CACNA1G: variants seen among roughly 807,000 people sequenced by gnomAD.
CACNA1G encodes the protein calcium voltage-gated channel subunit alpha1 G, also known as voltage-dependent T-type calcium channel subunit alpha-1G.
A neutral mutation model predicts 219.4 loss-of-function variants in CACNA1G; 67 were observed. That is an observed-to-expected ratio of 0.31 (90% CI 0.25 to 0.37). The LOEUF (loss-of-function observed/expected upper bound fraction) is 0.37. CACNA1G is among the 10% of genes least tolerant of loss of function. The pLI, the probability that CACNA1G is intolerant of heterozygous loss-of-function variation, is 1.00. For missense variants in CACNA1G, 2,380 were observed against 3,231.4 expected, an observed-to-expected ratio of 0.74 and a Z score of 6.39; for synonymous variants, 1,296 against 1,345.3, an observed-to-expected ratio of 0.96 and a Z score of 0.80.
At position 50,617,805 on chromosome 17, in the gene CACNA1G, C is replaced by G. The variant is rs1448517002; in HGVS notation, c.5156-54C>G. ...CCAGCCCTGGTCCTGACTCTGCCAG[C>G]TGTCTGGCCGGGGACCCAAAGAGGC... On this transcript the variant is annotated intron_variant, in intron 29 of 37. Transcript: ENST00000359106. This position sits in a 1 kb window ranked among gnomAD's most constrained non-coding sequence, Gnocchi z 5.8. The G allele has an allele frequency of 1.3e-6, 2 of 1,588,636 alleles. No individual in the cohort carries two copies. Among genetic ancestry groups the G allele is most frequent in the Non-Finnish European group, 1.7e-6 (2 of 1,161,234 alleles).
Position 50,621,911 on chromosome 17 carries a change from T to C in CACNA1G, c.6060+117T>C. 1.7e-6 allele frequency: 2 copies of C among 1,159,100 alleles called. No individual in the cohort carries two copies. The highest frequency in any genetic ancestry group is 1.2e-6 in the Non-Finnish European group (1 of 810,498). 71.8% of individuals were successfully genotyped at this position (1,159,100 alleles called of 1,614,324 possible). On this transcript the variant is annotated intron_variant, in intron 35 of 37. Transcript: ENST00000359106. The surrounding 1 kb of genome is among the most constrained non-coding windows in gnomAD (Gnocchi z 4.6). Reference sequence around the variant, plus strand: ...GCCTCCTCTCAGTTTGCTGCCAGGCTCCACCCAGAGGCATCAACTGTCAGG... The same window carrying C: ...GCCTCCTCTCAGTTTGCTGCCAGGCCCCACCCAGAGGCATCAACTGTCAGG...
chr17:50,624,324 T>TTCCCCCCCC, intron 36 of CACNA1G, 36 bp from the exon 37 acceptor site: 1 of 1,177,662 alleles, frequency 8.5e-7, no homozygotes, highest in Admixed American at 2.1e-5. Context: ...CTCCATTCTC[T>TTCCCCCCCC]CCCCCCACCC....
At chr17:50,624,324 T>TGCCCCCCCCCCCCCCCCCCCGGGCCC in intron 36 of CACNA1G, 36 bp from the exon 37 acceptor site, 1 of 1,177,664 alleles carries the variant, frequency 8.5e-7, no homozygotes, top group Non-Finnish European at 1.2e-6. Context: ...CTCCATTCTC[T>TGCCCCCCCCCCCCCCCCCCCGGGCCC]CCCCCCACCC....
chr17:50,620,160 G>T (rs151148556), intron 34 of CACNA1G, among the ~76,000 whole-genome samples: 2 of 152,084 alleles, frequency 1.3e-5, no homozygotes, highest in Admixed American at 6.5e-5. Context: ...GGGACCTTAG[G>T]GGGTGGAGGG....
chr17:50,592,080 C>T lies in CACNA1G; in HGVS notation c.2898C>T (p.Gly966=). Residue 966 remains glycine (G), a synonymous_variant, in exon 13 of 38, where the codon GGC becomes GGT. Coordinates refer to ENST00000359106, the MANE Select transcript of CACNA1G (RefSeq NM_018896.5). ...TGCTGGTCGCCATTCTGGTGGAGGG[C>T]TTCCAGGCGGAGGTAACCCACTGCT... ...FNLLVAILVE[G]FQAEEISKRE... 6.2e-7 allele frequency: 1 copy of T among 1,612,782 alleles called. No individual in the cohort carries two copies. The highest frequency in any genetic ancestry group is 1.7e-5 in the Admixed American group (1 of 59,974).
In CACNA1G at chr17:50,596,629, G is replaced by C. The variant is rs1338284478; in HGVS notation, c.3047G>C (p.Arg1016Thr). ...FSPSLDGDGD[R>T]KKCLALVSLG... ...CCCAGCCTGGATGGTGATGGGGACA[G>C]GAAGAAGTGCTTGGCCTGTGAGTAC... is the stretch of plus-strand genomic sequence containing the variant. The change falls in exon 15 of 38, where the codon AGG becomes ACG. Residue 1016 changes from arginine to threonine, a missense_variant. By Grantham distance (71) the Arg-to-Thr change is moderately conservative. Coordinates refer to ENST00000359106, the MANE Select transcript of CACNA1G (RefSeq NM_018896.5). This position sits in a 1 kb window ranked among gnomAD's most constrained non-coding sequence, Gnocchi z 4.8. The C allele has an allele frequency of 4.3e-6, 7 of 1,614,018 alleles. No individual in the cohort carries two copies. Among genetic ancestry groups the C allele is most frequent in the Non-Finnish European group, 5.9e-6 (7 of 1,179,872 alleles).
Position 50,600,674 on chromosome 17 carries a change from C to T in CACNA1G, c.3691-52C>T. 6.7e-7 allele frequency: 1 copy of T among 1,499,328 alleles called. No individual in the cohort carries two copies. Among genetic ancestry groups the T allele is most frequent in the Non-Finnish European group, 9.3e-7 (1 of 1,076,960 alleles). 92.9% of individuals were successfully genotyped at this position (1,499,328 alleles called of 1,614,324 possible). ...CGTGACTCTGCTGAGGAGCCAGGAG[C>T]CGGGGAACCTGGAGGCCTGGTCCTG... On this transcript the variant is annotated intron_variant, in intron 17 of 37. Transcript: ENST00000359106. The surrounding 1 kb of genome is among the most constrained non-coding windows in gnomAD (Gnocchi z 4.1).
At position 50,617,652 on chromosome 17, in the gene CACNA1G, C is replaced by T. The variant is rs2050867281; in HGVS notation, c.5155+81C>T. The T allele has an allele frequency of 1.9e-6, 3 of 1,546,288 alleles. No individual in the cohort carries two copies. In the South Asian group the frequency reaches 3.6e-5, roughly 19 times the overall value. Reference sequence around the variant, plus strand: ...AGCAAGGGTCGGCTTTGTGGCTGGTCAAGGCCTGGGCGGCTGTGGGTTCCC... The same window carrying T: ...AGCAAGGGTCGGCTTTGTGGCTGGTTAAGGCCTGGGCGGCTGTGGGTTCCC... On this transcript the variant is annotated intron_variant, in intron 29 of 37. Transcript: ENST00000359106. The surrounding 1 kb of genome is among the most constrained non-coding windows in gnomAD (Gnocchi z 5.8).
intron 26 of CACNA1G, among the ~76,000 whole-genome samples, chr17:50,613,748 G>A (rs532926658): frequency 5.9e-5 from 9 of 152,312 alleles, no homozygotes; most frequent in South Asian, 4.1e-4. Context: ...AAAATGTTCC[G>A]GCTGCTCAGG....
rs1207900762 is a variant in CACNA1G, at chr17:50,571,413, A to AG, written c.587-462dup. ...TGCCTGTTGAGAGAAGGAAGTAGGT[A>AG]GGGAGTGTGCGTGTGAATGTGTGCG... On this transcript the variant is annotated intron_variant, in intron 4 of 37. Transcript: ENST00000359106. The surrounding 1 kb of genome is among the most constrained non-coding windows in gnomAD (Gnocchi z 4.3). Among the ~76,000 whole-genome samples the AG allele has an allele frequency of 6.6e-6, 1 of 152,124 alleles. No homozygotes were observed. Among genetic ancestry groups the AG allele is most frequent in the African/African-American group, 2.4e-5 (1 of 41,424 alleles).
intron 26 of CACNA1G, among the ~76,000 whole-genome samples, chr17:50,615,133 C>T (rs1021698588): frequency 6.6e-6 from 1 of 152,142 alleles, no homozygotes; most frequent in Non-Finnish European, 1.5e-5. Flanking sequence ...CTCTGCATGT[C>T]CTGATCCATC....
intron 26 of CACNA1G, among the ~76,000 whole-genome samples, chr17:50,612,405 G>C (rs543474392): frequency 6.6e-6 from 1 of 152,346 alleles, no homozygotes; most frequent in African/African-American, 2.4e-5. Flanking sequence ...GGGAGGGACC[G>C]GGGCTGCTGG....
Position 50,595,409 on chromosome 17 carries a change from G to A in CACNA1G, c.2979+348G>A, listed in dbSNP as rs1170729866. ...GTGCCTGTGCTGAGGTCCCGGAGGA[G>A]TCCCAGACGTCCGGCTTCAGTGGAG... On this transcript the variant is annotated intron_variant, in intron 14 of 37. Transcript: ENST00000359106. 3.3e-5 allele frequency among the ~76,000 whole-genome samples: 5 copies of A among 152,250 alleles called. No individual in the cohort carries two copies. In the East Asian group the frequency reaches 9.6e-4, roughly 29 times the overall value.
intron 26 of CACNA1G, among the ~76,000 whole-genome samples, chr17:50,613,136 C>T (rs1214674996): frequency 1.3e-5 from 2 of 152,214 alleles, no homozygotes; most frequent in Admixed American, 6.5e-5. Context: ...GCGAGGGACT[C>T]GGGCTGGAAG....
In CACNA1G at chr17:50,561,420, G is replaced by A; in HGVS notation, c.-40G>A. The stretch of plus-strand genomic sequence containing the variant: ...ACACCTCCTCTGAGGGGCGCCGCTT[G>A]CCCCTCTCCGGATCGCCCGGGGCCC... On this transcript the variant is annotated 5_prime_UTR_variant, in exon 1 of 38. Transcript: ENST00000359106. 1 of 1,533,024 alleles carries A rather than the reference G, an allele frequency of 6.5e-7. No individual in the cohort carries two copies. The highest frequency in any genetic ancestry group is 8.7e-7 in the Non-Finnish European group (1 of 1,146,350). 95.0% of individuals were successfully genotyped at this position (1,533,024 alleles called of 1,614,324 possible).
chr17:50,570,628 G>A (rs904150109), intron 4 of CACNA1G, among the ~76,000 whole-genome samples: 4 of 148,186 alleles, frequency 2.7e-5, no homozygotes, highest in African/African-American at 1.0e-4. Context: ...GCTGTTGAAT[G>A]TGTCCTCTGG....
intron 3 of CACNA1G, among the ~76,000 whole-genome samples, 152 bp from the exon 4 acceptor site, chr17:50,569,550 CCAGA>C (rs1013724159): frequency 2.6e-4 from 39 of 152,126 alleles, no homozygotes; most frequent in African/African-American, 8.2e-4. Flanking sequence ...GCCTTGCCCC[CCAGA>C]CAGAGAGCCG....
chr17:50,577,237 C>G (rs1336639017), intron 8 of CACNA1G, among the ~76,000 whole-genome samples: 1 of 152,058 alleles, frequency 6.6e-6, no homozygotes, highest in African/African-American at 2.4e-5. Context: ...TAATTACTCT[C>G]AGTGGGTGCT....
intron 16 of CACNA1G, among the ~76,000 whole-genome samples, chr17:50,597,946 C>G (rs936990684): frequency 6.6e-6 from 1 of 152,210 alleles, no homozygotes; most frequent in Non-Finnish European, 1.5e-5. Flanking sequence ...TAATATCCTC[C>G]AGTTCATCCA....
Sources: allele counts gnomAD v4.1 joint callset (sites outside exome capture counted in the v4.1 genomes callset), GRCh38; gene constraint gnomAD v4.1.1; non-coding constraint Gnocchi (gnomAD v3.1); transcripts MANE v1.5; gene names NCBI Gene and HGNC (gene_info 2026-07-23, HGNC 2026-07-21).